The following STK35 variants were observed in gnomAD, a reference collection of about 807,000 sequenced individuals.
STK35 encodes serine/threonine-protein kinase 35.
STK35 carries 17 observed loss-of-function variants against 37.3 expected under a neutral mutation model. That is an observed-to-expected ratio of 0.46 (90% CI 0.31 to 0.68). The LOEUF is 0.68. Ranked by LOEUF, STK35 falls within the 30% of genes least tolerant of loss-of-function variation. The pLI, the probability that STK35 is intolerant of heterozygous loss-of-function variation, is 0.05. For synonymous variants in STK35, 385 were observed against 319.1 expected, an observed-to-expected ratio of 1.21 and a Z score of -2.20; for missense variants, 595 against 746.7, an observed-to-expected ratio of 0.80 and a Z score of 2.37.
intron 3 of STK35, among the ~76,000 whole-genome samples, chr20:2,138,958 T>G (rs186814617): frequency 9.2e-5 from 14 of 152,316 alleles, no homozygotes; most frequent in Admixed American, 3.9e-4. Flanking sequence ...CCCAGGAATT[T>G]AATGCTGCAG....
At chr20:2,120,714 C>G (rs183357553) in intron 3 of STK35, among the ~76,000 whole-genome samples, 1 of 152,304 alleles carries the variant, frequency 6.6e-6, no homozygotes, top group Admixed American at 6.5e-5. Flanking sequence ...TTCCAAGTAC[C>G]ATTTTAGACA....
At chr20:2,120,818 C>T (rs774895913) in intron 3 of STK35, among the ~76,000 whole-genome samples, 3 of 151,560 alleles carry the variant, frequency 2.0e-5, no homozygotes, top group African/African-American at 2.4e-5. Flanking sequence ...AGGTAATGTA[C>T]AAGAAAGTGC....
intron 3 of STK35, among the ~76,000 whole-genome samples, chr20:2,126,857 A>G (rs1985915150): frequency 6.6e-6 from 1 of 152,232 alleles, no homozygotes. Flanking sequence ...TTTGCATCGT[A>G]CACAGGTCAG....
chr20:2,129,699 G>A (rs889436565), intron 3 of STK35, among the ~76,000 whole-genome samples: 2 of 152,158 alleles, frequency 1.3e-5, no homozygotes, highest in Non-Finnish European at 2.9e-5. Flanking sequence ...TTTCAGTTGT[G>A]TGTAAATGAA....
intron 2 of STK35, among the ~76,000 whole-genome samples, chr20:2,113,176 C>T (rs1218461403): frequency 6.6e-6 from 1 of 152,176 alleles, no homozygotes; most frequent in Non-Finnish European, 1.5e-5. Flanking sequence ...CCTCAATGCA[C>T]AGGCACCTTG....
At chr20:2,131,854 G>T (rs774335180) in intron 3 of STK35, among the ~76,000 whole-genome samples, 7 of 152,034 alleles carry the variant, frequency 4.6e-5, no homozygotes, top group Non-Finnish European at 7.4e-5. Context: ...AAAGCGCTGG[G>T]CTTACAAGCC....
chr20:2,128,963 T>C (rs1985953014), intron 3 of STK35, among the ~76,000 whole-genome samples: 1 of 152,012 alleles, frequency 6.6e-6, no homozygotes, highest in South Asian at 2.1e-4. Flanking sequence ...TAGCTGGGAT[T>C]ATAAGTGCAT....
intron 2 of STK35, among the ~76,000 whole-genome samples, chr20:2,112,144 G>T (rs375272857): frequency 2.7e-4 from 41 of 152,202 alleles, no homozygotes; most frequent in African/African-American, 8.9e-4. Flanking sequence ...TCTGGAGAAG[G>T]CTTAAGGATA....
At chr20:2,102,679 C>CG (rs1568572068) in intron 1 of STK35, 89 bp from the exon 2 acceptor site, 20 of 1,216,296 alleles carry the variant, frequency 1.6e-5, no homozygotes, top group Non-Finnish European at 2.0e-5. Flanking sequence ...CCGCGGCGGC[C>CG]GGGGGAGGAG....
intron 3 of STK35, among the ~76,000 whole-genome samples, chr20:2,131,995 C>T (rs184426370): frequency 3.5e-4 from 54 of 152,272 alleles, no homozygotes; most frequent in African/African-American, 1.3e-3. Context: ...TTAGCCTAGG[C>T]CTATGCAGGC....
At position 2,148,235 on chromosome 20, in the gene STK35, C is replaced by A. The variant is rs1291384870; in HGVS notation, c.*4489C>A. On this transcript the variant is annotated 3_prime_UTR_variant, in exon 4 of 4. Transcript: ENST00000381482. ...GAGTACATTGCAGTGACTTCTTAAA[C>A]ATTTGTGTGGGACAGACGAGCGTGA... is the stretch of plus-strand genomic sequence containing the variant. The A allele has an allele frequency of 6.6e-6, 1 of 152,630 alleles. No individual in the cohort carries two copies. Among genetic ancestry groups the A allele is most frequent in the African/African-American group, 2.4e-5 (1 of 41,456 alleles). 9.5% of individuals were successfully genotyped at this position (152,630 alleles called of 1,614,324 possible).
chr20:2,132,913 G>A (rs750006567), intron 3 of STK35, among the ~76,000 whole-genome samples: 3 of 152,188 alleles, frequency 2.0e-5, no homozygotes, highest in East Asian at 1.9e-4. Flanking sequence ...GGCTGTGTCC[G>A]GCGCAGTTCC....
At chr20:2,122,392 T>G (rs1023257994) in intron 3 of STK35, among the ~76,000 whole-genome samples, 1 of 152,100 alleles carries the variant, frequency 6.6e-6, no homozygotes, top group Non-Finnish European at 1.5e-5. Flanking sequence ...ACCACCAAGA[T>G]GAAAAAACAC....
At chr20:2,118,023 G>A (rs2122555559) in intron 3 of STK35, among the ~76,000 whole-genome samples, 1 of 152,290 alleles carries the variant, frequency 6.6e-6, no homozygotes, top group African/African-American at 2.4e-5. Context: ...TAGAAAATGT[G>A]CATAAGAGGT....
At chr20:2,134,602 T>C (rs562135079) in intron 3 of STK35, among the ~76,000 whole-genome samples, 58 of 152,288 alleles carry the variant, frequency 3.8e-4, no homozygotes, top group African/African-American at 1.3e-3. Context: ...ATTTAAAAAA[T>C]GCCTGGGGCC....
chr20:2,124,775 CAA>C (rs1217699529), intron 3 of STK35, among the ~76,000 whole-genome samples: 2 of 152,142 alleles, frequency 1.3e-5, no homozygotes, highest in African/African-American at 2.4e-5. Flanking sequence ...TACCTGTATA[CAA>C]AGAGACATGT....
intron 3 of STK35, among the ~76,000 whole-genome samples, chr20:2,124,601 G>A (rs1458559998): frequency 6.6e-6 from 1 of 152,158 alleles, no homozygotes; most frequent in Non-Finnish European, 1.5e-5. Flanking sequence ...TTGAGTCCCT[G>A]CCCATATAGT....
intron 2 of STK35, among the ~76,000 whole-genome samples, chr20:2,111,808 C>G (rs1382223948): frequency 6.6e-6 from 1 of 152,202 alleles, no homozygotes; most frequent in Admixed American, 6.5e-5. Flanking sequence ...TCTACAGAAA[C>G]TCTTCTGTGA....
Position 2,131,788 on chromosome 20 carries a change from A to C in STK35, c.*38-11996A>C, listed in dbSNP as rs143403888. On this transcript the variant is annotated intron_variant, in intron 3 of 3. Coordinates refer to ENST00000381482, the MANE Select transcript of STK35 (RefSeq NM_080836.4). ...CTGGAGTGCAGTGGCACGATCTTGG[A>C]TTACTTGGCAGCCTCGACCTTCTGG... Among the ~76,000 whole-genome samples the C allele has an allele frequency of 6.8e-3, 967 of 141,638 alleles. 8 individuals carry two copies. The highest frequency in any genetic ancestry group is 0.023 in the African/African-American group (921 of 39,538). 92.9% of individuals were successfully genotyped at this position (141,638 alleles called of 152,430 possible).
Sources: allele counts gnomAD v4.1 joint callset (sites outside exome capture counted in the v4.1 genomes callset), GRCh38; gene constraint gnomAD v4.1.1; transcripts MANE v1.5; gene names NCBI Gene and HGNC (gene_info 2026-07-23, HGNC 2026-07-21).